ZBED6: variants seen among roughly 807,000 people sequenced by gnomAD.
ZBED6 encodes zinc finger BED-type containing 6, also known as zinc finger BED domain-containing protein 6.
ZBED6 carries 40 observed loss-of-function variants against 58.4 expected under a neutral mutation model. The observed-to-expected ratio is 0.68, with a 90% confidence interval of 0.53 to 0.89. The LOEUF (loss-of-function observed/expected upper bound fraction) is 0.89. Among genes scored for constraint, ZBED6 ranks in the 40% least tolerant of loss-of-function variants. ZBED6 has a pLI of 0.00. For missense variants in ZBED6, 1,057 were observed against 1,003.9 expected, an observed-to-expected ratio of 1.05 and a Z score of -0.71; for synonymous variants, 439 against 350.6, an observed-to-expected ratio of 1.25 and a Z score of -2.82.
chr1:203,851,343 T>C (rs1689208329), intron 16 of ZBED6, among the ~76,000 whole-genome samples: 1 of 152,226 alleles, frequency 6.6e-6, no homozygotes, highest in South Asian at 2.1e-4. Context: ...TTTGTTTTTT[T>C]GTTTGAGGCA....
At chr1:203,823,008 G>T (rs1458656932) in intron 3 of ZBED6, among the ~76,000 whole-genome samples, 1 of 152,132 alleles carries the variant, frequency 6.6e-6, no homozygotes, top group Non-Finnish European at 1.5e-5. Flanking sequence ...TACCTATCTT[G>T]CAAATAGCAG....
chr1:203,847,614 C>G, exon 12 of ZBED6: 1 of 1,613,484 alleles, frequency 6.2e-7, no homozygotes, highest in Non-Finnish European at 8.5e-7. Flanking sequence ...GCTCTGAGAG[C>G]AGCACCAGCT....
At chr1:203,798,082 C>T (rs182386491) in exon 1 of ZBED6, 1 of 1,536,090 alleles carries the variant, frequency 6.5e-7, no homozygotes, top group East Asian at 2.4e-5. Context: ...TGGACCAGGG[C>T]CAACAAGTTT....
exon 1 of ZBED6, chr1:203,798,556 A>C (rs1465932103): frequency 2.0e-6 from 3 of 1,536,150 alleles, no homozygotes; most frequent in Non-Finnish European, 2.6e-6. Flanking sequence ...CTCTTGAGTG[A>C]TACCTTGCAT....
chr1:203,837,834 C>G, intron 9 of ZBED6, 132 bp from the exon 10 acceptor site: 1 of 795,918 alleles, frequency 1.3e-6, no homozygotes, highest in Non-Finnish European at 2.0e-6. Flanking sequence ...TCTAAGGAAG[C>G]TGGTGAACAA....
At chr1:203,848,090 A>G (rs1688363693) in intron 12 of ZBED6, among the ~76,000 whole-genome samples, 1 of 152,104 alleles carries the variant, frequency 6.6e-6, no homozygotes, top group Non-Finnish European at 1.5e-5. Flanking sequence ...TCCTCACCTC[A>G]AGTGTGATCT....
intron 16 of ZBED6, 69 bp from the exon 17 acceptor site, chr1:203,852,071 CG>C: frequency 6.3e-7 from 1 of 1,580,768 alleles, no homozygotes. Context: ...ACTTTGTGTC[CG>C]TGAGACTAGG....
At chr1:203,839,708 A>G (rs756132183) in intron 10 of ZBED6, among the ~76,000 whole-genome samples, 1 of 152,214 alleles carries the variant, frequency 6.6e-6, no homozygotes, top group Non-Finnish European at 1.5e-5. Flanking sequence ...TTTCAATGAC[A>G]GTAAGGTTTT....
chr1:203,797,316 C>T (rs1668872263), exon 1 of ZBED6: 2 of 448,186 alleles, frequency 4.5e-6, no homozygotes, highest in Non-Finnish European at 7.7e-6. Flanking sequence ...CCTTAAAGCC[C>T]TCTAAGAAAG....
chr1:203,850,288 A>C, intron 14 of ZBED6: 1 of 678,998 alleles, frequency 1.5e-6, no homozygotes, highest in South Asian at 1.9e-5. Flanking sequence ...AAAAACAAGG[A>C]ATAGAGGAAT....
intron 9 of ZBED6, 44 bp from the exon 10 acceptor site, chr1:203,837,922 G>A: frequency 6.4e-7 from 1 of 1,568,226 alleles, no homozygotes; most frequent in Non-Finnish European, 8.7e-7. Flanking sequence ...TGTCCTTGCT[G>A]AAGATTGACT....
At chr1:203,823,654 G>C (rs566449654) in intron 3 of ZBED6, among the ~76,000 whole-genome samples, 1 of 152,346 alleles carries the variant, frequency 6.6e-6, no homozygotes, top group Admixed American at 6.5e-5. Context: ...TCTAAGAGCT[G>C]CTATGCTAAC....
chr1:203,843,907 G>T (rs1687168457), intron 11 of ZBED6, among the ~76,000 whole-genome samples: 1 of 151,850 alleles, frequency 6.6e-6, no homozygotes, highest in Admixed American at 6.6e-5. Context: ...GCCCAGTCTG[G>T]AGTGCAATGG....
chr1:203,831,593 A>C (rs1280450569), intron 7 of ZBED6, 68 bp from the exon 8 acceptor site: 1 of 1,435,030 alleles, frequency 7.0e-7, no homozygotes, highest in African/African-American at 1.4e-5. Context: ...TACAAAAACA[A>C]ATTTTTTGAC....
chr1:203,827,924 G>C (rs1194493678), intron 3 of ZBED6, among the ~76,000 whole-genome samples: 2 of 152,136 alleles, frequency 1.3e-5, no homozygotes, highest in Non-Finnish European at 1.5e-5. Flanking sequence ...AGGAAAGTGA[G>C]GCTTAGAGGC....
chr1:203,814,447 C>A (rs1022763999), intron 1 of ZBED6, among the ~76,000 whole-genome samples: 1 of 152,084 alleles, frequency 6.6e-6, no homozygotes, highest in Non-Finnish European at 1.5e-5. Flanking sequence ...TTGCTTGAAC[C>A]TGGGAGGCAG....
At chr1:203,838,046 G>A in exon 10 of ZBED6, 1 of 1,614,168 alleles carries the variant, frequency 6.2e-7, no homozygotes, top group South Asian at 1.1e-5. Flanking sequence ...AACTAACATT[G>A]ACAAAACACC....
chr1:203,804,059 G>T (rs1486721921), intron 1 of ZBED6, among the ~76,000 whole-genome samples: 16 of 151,650 alleles, frequency 1.1e-4, no homozygotes, highest in Admixed American at 3.3e-4. Flanking sequence ...CATTATCCAG[G>T]TCTTCTGTGC....
At chr1:203,800,560 C>G in exon 1 of ZBED6, 2 of 1,099,836 alleles carry the variant, frequency 1.8e-6, no homozygotes, top group Non-Finnish European at 2.4e-6. Flanking sequence ...ATAAACACAT[C>G]TGGGGAAACC....
Sources: allele counts gnomAD v4.1 joint callset (sites outside exome capture counted in the v4.1 genomes callset), GRCh38; gene constraint gnomAD v4.1.1; transcripts MANE v1.5; gene names NCBI Gene and HGNC (gene_info 2026-07-23, HGNC 2026-07-21).